Variants in INAVA observed in about 807,000 individuals in gnomAD.
The protein encoded by INAVA is innate immunity activator protein.
In INAVA, 32 loss-of-function variants were observed where a neutral mutation model predicts 55.3. The ratio of observed to expected loss-of-function variants is 0.58; its 90% CI spans 0.44 to 0.78. The LOEUF is 0.78. Among genes scored for constraint, INAVA ranks in the 30% least tolerant of loss-of-function variants. The pLI is 0.00. For missense variants in INAVA, 756 were observed against 786.4 expected, an observed-to-expected ratio of 0.96 and a Z score of 0.46; for synonymous variants, 294 against 329.4, an observed-to-expected ratio of 0.89 and a Z score of 1.16.
Position 200,913,846 on chromosome 1 carries a change from T to G in INAVA, c.*217T>G. 1.8e-6 allele frequency: 1 copy of G among 543,742 alleles called. No individual in the cohort carries two copies. Among genetic ancestry groups the G allele is most frequent in the South Asian group, 2.4e-5 (1 of 41,354 alleles). The allele number at this position is 543,742 out of a possible 1,614,324, so 33.7% of individuals were successfully genotyped here. A position where few individuals can be genotyped will look rare whatever the true frequency, so the allele number is the denominator to read the frequency against. On this transcript the variant is annotated 3_prime_UTR_variant, in exon 10 of 10. Transcript: ENST00000413687. ...CCTCAATACCCCTGTGATATGATTA[T>G]GTTTTATCCCCCAGAGTTTGGCCTA...
intron 1 of INAVA, among the ~76,000 whole-genome samples, chr1:200,895,872 G>T (rs952558228): frequency 6.6e-6 from 1 of 152,186 alleles, no homozygotes; most frequent in Admixed American, 6.5e-5. Flanking sequence ...AGTACAGACC[G>T]CAGCAGAACC....
At chr1:200,904,393 T>C (rs2102309127) in intron 5 of INAVA, among the ~76,000 whole-genome samples, 1 of 152,304 alleles carries the variant, frequency 6.6e-6, no homozygotes, top group South Asian at 2.1e-4. Context: ...TGGCCGCTCA[T>C]AGCATTTCTG....
rs1217926944 is a variant in INAVA at position 200,905,639 on chromosome 1, T to G, written c.521-2195T>G. On this transcript the variant is annotated intron_variant, in intron 5 of 9. Coordinates refer to ENST00000413687, the MANE Select transcript of INAVA (RefSeq NM_001142569.3). ...AGTACATATTTTAGTCTTTGTAGGC[T>G]CTTTGGTCTTTATCACAACTGTTCA... Among the ~76,000 whole-genome samples the G allele has an allele frequency of 2.0e-5, 3 of 152,226 alleles. No homozygotes were observed. The East Asian group carries it at 5.8e-4, about 29-fold the overall frequency.
At position 200,901,046 on chromosome 1, in the gene INAVA, G is replaced by A. The variant is rs780226969; in HGVS notation, c.407G>A (p.Arg136Gln). The change falls in exon 5 of 10, where the codon CGG (arginine) becomes CAG (glutamine). Residue 136 changes from arginine (R) to glutamine (Q), a missense_variant. By Grantham distance (43) the Arg-to-Gln change is conservative. Transcript: ENST00000413687. ...ENLSRQARRQ[R>Q]KHSMLQEEKK... ...CTCAGCAGGCAGGCTCGGCGGCAGC[G>A]GAAGCACTCCATGCTGCAGGAGGAG... 23 of 1,546,708 alleles carry A rather than the reference G, an allele frequency of 1.5e-5. No individual in the cohort carries two copies. The highest frequency in any genetic ancestry group is 3.9e-5 in the Admixed American group (2 of 50,974).
chr1:200,913,113 T>C (rs1653817312), intron 9 of INAVA, among the ~76,000 whole-genome samples: 2 of 152,082 alleles, frequency 1.3e-5, no homozygotes, highest in African/African-American at 4.8e-5. Flanking sequence ...CCACCCACGG[T>C]TCTTTGGACT....
chr1:200,912,769 T>G (rs1653803554), intron 9 of INAVA, among the ~76,000 whole-genome samples: 1 of 152,122 alleles, frequency 6.6e-6, no homozygotes, highest in Non-Finnish European at 1.5e-5. Context: ...AGAGTACCTA[T>G]CTCATAGGGC....
At chr1:200,905,681 G>A (rs1295903697) in intron 5 of INAVA, among the ~76,000 whole-genome samples, 1 of 152,202 alleles carries the variant, frequency 6.6e-6, no homozygotes, top group Non-Finnish European at 1.5e-5. Flanking sequence ...CTACTTCAGT[G>A]CTAAAACAGC....
chr1:200,900,633 C>G (rs919637433), intron 4 of INAVA, among the ~76,000 whole-genome samples: 1 of 152,366 alleles, frequency 6.6e-6, no homozygotes, highest in East Asian at 1.9e-4. Context: ...CATGGGCCAG[C>G]CTGCCCCACC....
At chr1:200,895,428 C>T (rs1668323584) in intron 1 of INAVA, among the ~76,000 whole-genome samples, 1 of 152,048 alleles carries the variant, frequency 6.6e-6, no homozygotes, top group African/African-American at 2.4e-5. Context: ...CCTCTGTGCC[C>T]CTTCTGGTCT....
intron 9 of INAVA, among the ~76,000 whole-genome samples, 186 bp from the exon 10 acceptor site, chr1:200,913,351 G>C (rs1017086476): frequency 6.6e-6 from 1 of 152,202 alleles, no homozygotes; most frequent in African/African-American, 2.4e-5. Flanking sequence ...AGGAAAATGT[G>C]TAAAGGGGGT....
chr1:200,901,888 A>G (rs953603587), intron 5 of INAVA, among the ~76,000 whole-genome samples: 9 of 152,124 alleles, frequency 5.9e-5, no homozygotes, highest in African/African-American at 1.2e-4. Flanking sequence ...ACATCACATC[A>G]GTGTGTCCAC....
chr1:200,899,462 A>G lies in INAVA; in HGVS notation c.56-11A>G, dbSNP rs983060383. ...CAGCCTCCCTGAGCATGTGCCCCCC[A>G]ACCCTTGCAGGCCCCGACAGCCCGG... On this transcript the variant is annotated splice_polypyrimidine_tract_variant and intron_variant, in intron 2 of 9. Coordinates refer to ENST00000413687, the MANE Select transcript of INAVA (RefSeq NM_001142569.3). 6.2e-7 allele frequency: 1 copy of G among 1,613,930 alleles called. No individual in the cohort carries two copies. Among genetic ancestry groups the G allele is most frequent in the African/African-American group, 1.3e-5 (1 of 75,032 alleles).
chr1:200,898,317 T>G lies in INAVA; in HGVS notation c.-84T>G. 2 of 1,611,182 alleles carry G rather than the reference T, an allele frequency of 1.2e-6. No individual in the cohort carries two copies. The highest frequency in any genetic ancestry group is 1.7e-6 in the Non-Finnish European group (2 of 1,179,276). ...CTTTTCTCTTTAAAGCTGGGGAAGCTCCAGGCTACCTACACAACCTGGCCC... is the reference window on the plus strand; with the variant it reads ...CTTTTCTCTTTAAAGCTGGGGAAGCGCCAGGCTACCTACACAACCTGGCCC... On this transcript the variant is annotated 5_prime_UTR_variant, in exon 2 of 10. Coordinates refer to ENST00000413687, the MANE Select transcript of INAVA (RefSeq NM_001142569.3).
chr1:200,898,317 T>C lies in INAVA; in HGVS notation c.-84T>C. 2 of 1,611,182 alleles carry C rather than the reference T, an allele frequency of 1.2e-6. No individual in the cohort carries two copies. Among genetic ancestry groups the C allele is most frequent in the Non-Finnish European group, 8.5e-7 (1 of 1,179,276 alleles). On this transcript the variant is annotated 5_prime_UTR_variant, in exon 2 of 10. Coordinates refer to ENST00000413687, the MANE Select transcript of INAVA (RefSeq NM_001142569.3). ...CTTTTCTCTTTAAAGCTGGGGAAGC[T>C]CCAGGCTACCTACACAACCTGGCCC...
At chr1:200,892,953 G>A (rs1352773398), upstream of INAVA, among the ~76,000 whole-genome samples, 3 of 152,240 alleles carry the variant, frequency 2.0e-5, no homozygotes, top group African/African-American at 7.2e-5. Context: ...GTCAGAGATG[G>A]AGGATTACCT....
chr1:200,909,959 A>G (rs1571871783), intron 8 of INAVA, among the ~76,000 whole-genome samples: 1 of 152,294 alleles, frequency 6.6e-6, no homozygotes, highest in Non-Finnish European at 1.5e-5. Context: ...TCATTAACTC[A>G]TGGCCAACAG....
rs149261527 is a variant in INAVA at position 200,897,423 on chromosome 1, T to C, written c.-94-884T>C. ...CTCTCTGGCATACAGTGGCTGCACA[T>C]ATCTGCAGATGATGTGAAGTTCAGA... On this transcript the variant is annotated intron_variant, in intron 1 of 9. Coordinates refer to ENST00000413687, the MANE Select transcript of INAVA (RefSeq NM_001142569.3). Among the ~76,000 whole-genome samples the C allele has an allele frequency of 4.2e-3, 641 of 152,280 alleles. 4 individuals carry two copies. Among genetic ancestry groups the C allele is most frequent in the African/African-American group, 0.015 (629 of 41,552 alleles).
chr1:200,903,577 G>T (rs1327180665), intron 5 of INAVA, among the ~76,000 whole-genome samples: 2 of 151,728 alleles, frequency 1.3e-5, no homozygotes, highest in Non-Finnish European at 2.9e-5. Flanking sequence ...GGCCGAGGCG[G>T]GTGGATCACT....
chr1:200,905,894 C>G (rs1458524701), intron 5 of INAVA, among the ~76,000 whole-genome samples: 1 of 150,342 alleles, frequency 6.7e-6, no homozygotes, highest in African/African-American at 2.4e-5. Flanking sequence ...AGGGGAGAGC[C>G]CATAAAGGGT....
Sources: allele counts gnomAD v4.1 joint callset (sites outside exome capture counted in the v4.1 genomes callset), GRCh38; gene constraint gnomAD v4.1.1; transcripts MANE v1.5; gene names NCBI Gene and HGNC (gene_info 2026-07-23, HGNC 2026-07-21).